Variants in POLR2B observed in about 807,000 individuals in gnomAD.
The protein encoded by POLR2B is DNA-directed RNA polymerase II subunit RPB2.
In POLR2B, 57 loss-of-function variants were observed where a neutral mutation model predicts 144.6. That is an observed-to-expected ratio of 0.39 (90% CI 0.32 to 0.49). The LOEUF (loss-of-function observed/expected upper bound fraction) is 0.49. Ranked by LOEUF, POLR2B falls within the 20% of genes least tolerant of loss-of-function variation. POLR2B has a pLI of 0.83. For missense variants in POLR2B, 595 were observed against 1,467.4 expected, an observed-to-expected ratio of 0.41 and a Z score of 9.71; for synonymous variants, 442 against 469.8, an observed-to-expected ratio of 0.94 and a Z score of 0.77.
chr4:57,023,540 T>C lies in POLR2B; in HGVS notation c.2726T>C (p.Val909Ala). Reference protein sequence around the residue: ...SETGIVDQVMVTLNQEGYKFC... With the variant: ...SETGIVDQVMATLNQEGYKFC... ...ACGGGCATTGTGGATCAGGTTATGG[T>C]AACTCTCAATCAGGAAGGATATAAA... The change falls in exon 19 of 25, where the codon GTA (valine) becomes GCA (alanine). Residue 909 changes from valine to alanine, a missense_variant. Val to Ala is a moderately conservative substitution (Grantham distance 64). Around this residue, in one of 9 missense-constraint regions of POLR2B, gnomAD observed 65 missense variants for 282.8 expected, o/e 0.23. Coordinates refer to ENST00000314595, the MANE Select transcript of POLR2B (RefSeq NM_000938.3). The surrounding 1 kb of genome is among the most constrained non-coding windows in gnomAD (Gnocchi z 4.3). 6.2e-7 allele frequency: 1 copy of C among 1,613,938 alleles called. No individual in the cohort carries two copies. Among genetic ancestry groups the C allele is most frequent in the Non-Finnish European group, 8.5e-7 (1 of 1,179,828 alleles).
At position 57,022,236 on chromosome 4, in the gene POLR2B, A is replaced by G; in HGVS notation, c.2505A>G (p.Glu835=). The change falls in exon 18 of 25, where the codon GAA becomes GAG. Residue 835 remains glutamate, a synonymous_variant. Transcript: ENST00000314595. ...AAGTTTTTGAGAAGCCTACACGTGA[A>G]ACATGCCAGGGTAAGTGACACTAAC... ...QEEVFEKPTR[E]TCQGMRHAIY... is the part of the protein sequence containing the mutation. 3 of 1,598,064 alleles carry G rather than the reference A, an allele frequency of 1.9e-6. No individual in the cohort carries two copies. The highest frequency in any genetic ancestry group is 2.6e-6 in the Non-Finnish European group (3 of 1,165,956).
At position 57,006,973 on chromosome 4, in the gene POLR2B, G is replaced by A. The variant is rs764504082; in HGVS notation, c.1375G>A (p.Ala459Thr). Residue 459 changes from alanine to threonine, a missense_variant, in exon 10 of 25, where the codon GCT (alanine) becomes ACT (threonine). Transcript: ENST00000314595. ...ATGNWGDQKKAHQARAGVSQV... is the reference protein window; with the variant it reads ...ATGNWGDQKKTHQARAGVSQV... Reference sequence around the variant, plus strand: ...TGGAAACTGGGGTGATCAAAAGAAAGCTCATCAAGCCAGAGCTGGAGTATC... The same window carrying A: ...TGGAAACTGGGGTGATCAAAAGAAAACTCATCAAGCCAGAGCTGGAGTATC... 1 of 1,613,964 alleles carries A rather than the reference G, an allele frequency of 6.2e-7. No homozygotes were observed. The highest frequency in any genetic ancestry group is 1.1e-5 in the South Asian group (1 of 91,068).
At chr4:56,992,507 T>C (rs1179978545) in intron 3 of POLR2B, among the ~76,000 whole-genome samples, 8 of 135,638 alleles carry the variant, frequency 5.9e-5, no homozygotes, top group African/African-American at 1.9e-4. Context: ...AGAAAATACT[T>C]GGTGTATTTA....
At chr4:56,983,650 G>A (rs1257032927) in intron 1 of POLR2B, among the ~76,000 whole-genome samples, 2 of 151,970 alleles carry the variant, frequency 1.3e-5, no homozygotes, top group African/African-American at 2.4e-5. Context: ...GATTACAAGC[G>A]TGAGCCACTG....
At chr4:57,014,386 G>A (rs1046218501) in intron 13 of POLR2B, among the ~76,000 whole-genome samples, 2 of 151,798 alleles carry the variant, frequency 1.3e-5, no homozygotes, top group African/African-American at 4.8e-5. Flanking sequence ...TAGAGACAGG[G>A]TTTCACCATG....
intron 3 of POLR2B, among the ~76,000 whole-genome samples, chr4:56,991,984 T>C (rs1284002627): frequency 6.6e-6 from 1 of 152,144 alleles, no homozygotes; most frequent in Non-Finnish European, 1.5e-5. Context: ...CTTCATGGTC[T>C]TTGTATAACA....
chr4:56,985,452 C>G (rs1013943515), intron 1 of POLR2B: 1 of 985,420 alleles, frequency 1.0e-6, no homozygotes, highest in Non-Finnish European at 1.2e-6. Flanking sequence ...CCCCGACTTT[C>G]GGGCGGTGAG....
Position 56,994,650 on chromosome 4 carries a change from T to C in POLR2B, c.360T>C (p.Tyr120=). 6.2e-7 allele frequency: 1 copy of C among 1,601,080 alleles called. No homozygotes were observed. The highest frequency in any genetic ancestry group is 8.6e-7 in the Non-Finnish European group (1 of 1,168,294). The change falls in exon 5 of 25, where the codon TAT becomes TAC. Residue 120 remains tyrosine, a synonymous_variant. Coordinates refer to ENST00000314595, the MANE Select transcript of POLR2B (RefSeq NM_000938.3). The part of the protein sequence containing the change: ...PNEARLRNLT[Y]SAPLYVDITK... Reference sequence around the variant, plus strand: ...TGATCTACTTTTATTTTCAAAGGTATTCTGCTCCGCTTTATGTTGATATAA... The same window carrying C: ...TGATCTACTTTTATTTTCAAAGGTACTCTGCTCCGCTTTATGTTGATATAA...
chr4:57,027,046 T>C (rs956757181), intron 23 of POLR2B, among the ~76,000 whole-genome samples: 2 of 152,020 alleles, frequency 1.3e-5, no homozygotes, highest in Admixed American at 1.3e-4. Context: ...TCTCACTCTG[T>C]CACCCAGGCT....
At chr4:56,993,816 G>GA (rs1469494036) in intron 3 of POLR2B, among the ~76,000 whole-genome samples, 1 of 152,120 alleles carries the variant, frequency 6.6e-6, no homozygotes, top group Admixed American at 6.5e-5. Flanking sequence ...TTTAACTGAA[G>GA]AGAGGTTTAT....
At chr4:56,983,367 GGTT>G (rs1560469483) in intron 1 of POLR2B, among the ~76,000 whole-genome samples, 1 of 111,288 alleles carries the variant, frequency 9.0e-6, no homozygotes, top group East Asian at 2.6e-4. Flanking sequence ...TCTCTGCTCA[GGTT>G]TTTTTTTTTT....
At chr4:56,989,415 C>T (rs967431339) in intron 2 of POLR2B, among the ~76,000 whole-genome samples, 3 of 152,180 alleles carry the variant, frequency 2.0e-5, no homozygotes, top group Admixed American at 1.3e-4. Context: ...TTATTTAGGT[C>T]ATACCTTACA....
At chr4:56,996,498 A>G (rs949816944) in intron 6 of POLR2B, among the ~76,000 whole-genome samples, 7 of 150,420 alleles carry the variant, frequency 4.7e-5, no homozygotes. Flanking sequence ...GTTAGCCAGG[A>G]TGGTCTCGAT....
intron 13 of POLR2B, among the ~76,000 whole-genome samples, chr4:57,014,628 G>A (rs1272748541): frequency 6.7e-6 from 1 of 149,804 alleles, no homozygotes; most frequent in African/African-American, 2.5e-5. Flanking sequence ...TTAGCCTCCT[G>A]AGTAGCCGGG....
intron 23 of POLR2B, among the ~76,000 whole-genome samples, chr4:57,026,825 A>G (rs890404985): frequency 1.1e-4 from 16 of 152,202 alleles, no homozygotes; most frequent in African/African-American, 3.9e-4. Flanking sequence ...TTCCAGATGA[A>G]TTTAGTGACA....
chr4:56,979,143 G>A, intron 1 of POLR2B, 139 bp downstream of exon 1: 1 of 914,924 alleles, frequency 1.1e-6, no homozygotes, highest in Non-Finnish European at 1.8e-6. Context: ...TTACCAGGCC[G>A]GGAACGAAAC....
chr4:57,010,949 G>C (rs1723170176), intron 12 of POLR2B, 40 bp from the exon 13 acceptor site: 17 of 1,595,956 alleles, frequency 1.1e-5, no homozygotes, highest in Non-Finnish European at 1.5e-5. Context: ...GCTTAGTATA[G>C]AATTGTTAAG....
chr4:57,010,306 A>G, intron 10 of POLR2B, 55 bp from the exon 11 acceptor site: 2 of 1,513,402 alleles, frequency 1.3e-6, no homozygotes, highest in Non-Finnish European at 9.1e-7. Flanking sequence ...GCCTCAGTGT[A>G]ATAGTATGAA....
intron 17 of POLR2B, among the ~76,000 whole-genome samples, chr4:57,021,530 A>G (rs1412825275): frequency 1.4e-5 from 2 of 141,014 alleles, no homozygotes; most frequent in Admixed American, 1.5e-4. Context: ...TCTGTTGCCA[A>G]GACTGGAATG....
Sources: allele counts gnomAD v4.1 joint callset (sites outside exome capture counted in the v4.1 genomes callset), GRCh38; gene constraint gnomAD v4.1.1; regional missense constraint gnomAD v4.1.1; non-coding constraint Gnocchi (gnomAD v3.1); transcripts MANE v1.5; gene names NCBI Gene and HGNC (gene_info 2026-07-23, HGNC 2026-07-21).